The following CCNY variants were observed in gnomAD, a reference collection of about 807,000 sequenced individuals.
CCNY encodes cyclin Y.
CCNY carries 19 observed loss-of-function variants against 42.8 expected under a neutral mutation model. That is an observed-to-expected ratio of 0.44 (90% confidence interval 0.31 to 0.65). CCNY has a LOEUF of 0.65. CCNY is among the 30% of genes least tolerant of loss of function. The pLI is 0.07. For synonymous variants in CCNY, 165 were observed against 162.7 expected (o/e 1.01, Z -0.11); for missense variants, 370 against 437.3 (o/e 0.85, Z 1.37).
chr10:35,492,250 G>A (rs904503041), intron 2 of CCNY, among the ~76,000 whole-genome samples: 4 of 152,192 alleles, frequency 2.6e-5, no homozygotes, highest in Non-Finnish European at 5.9e-5. Context: ...CTTCTTGTGG[G>A]TCCCCTCCCC....
At chr10:35,258,966 CT>C (rs1223842714) in intron 3 of CCNY, among the ~76,000 whole-genome samples, 2 of 150,748 alleles carry the variant, frequency 1.3e-5, no homozygotes, top group Non-Finnish European at 2.9e-5. Context: ...ACATGCACTG[CT>C]GCCTGCCGTG....
chr10:35,490,609 A>G (rs555561536), intron 2 of CCNY, among the ~76,000 whole-genome samples: 5 of 152,212 alleles, frequency 3.3e-5, no homozygotes, highest in South Asian at 2.1e-4. Flanking sequence ...CCTGTTGGAA[A>G]CCATCCTCAC....
intron 1 of CCNY, among the ~76,000 whole-genome samples, chr10:35,358,050 A>G (rs1186854321): frequency 6.6e-6 from 1 of 152,028 alleles, no homozygotes; most frequent in African/African-American, 2.4e-5. Flanking sequence ...AATTTCTGGC[A>G]GGACATTTGC....
intron 8 of CCNY, among the ~76,000 whole-genome samples, chr10:35,557,368 C>T (rs921363733): frequency 1.3e-5 from 2 of 152,094 alleles, no homozygotes; most frequent in Non-Finnish European, 2.9e-5. Context: ...ACATTTAAGT[C>T]AAAATTGCAG....
chr10:35,461,391 G>A (rs1482574228), intron 1 of CCNY, among the ~76,000 whole-genome samples: 1 of 152,158 alleles, frequency 6.6e-6, no homozygotes, highest in Non-Finnish European at 1.5e-5. Context: ...GAAACATCAG[G>A]AGTAAGGAGA....
intron 1 of CCNY, among the ~76,000 whole-genome samples, chr10:35,374,053 A>AT (rs1836998107): frequency 1.3e-5 from 2 of 152,172 alleles, no homozygotes. Flanking sequence ...TGTTCATAAC[A>AT]TTTATAGCAA....
rs1164294627 is a variant in CCNY at position 35,359,508 on chromosome 10, TA to T, written c.154+22302del. Among the ~76,000 whole-genome samples, 88 of 151,994 alleles carry T rather than the reference TA, an allele frequency of 5.8e-4. 2 individuals carry two copies. The East Asian group carries it at 0.011, about 19-fold the overall frequency. On this transcript the variant is annotated intron_variant, in intron 1 of 9. Coordinates refer to ENST00000374704, the MANE Select transcript of CCNY (RefSeq NM_145012.6). ...ACTCTTTATTTATTATTATTATTAT[TA>T]TTATTTTTTTTTGTAGAGGCAGGGT... is the stretch of plus-strand genomic sequence containing the variant.
chr10:35,549,411 C>T (rs1245301297), intron 7 of CCNY, among the ~76,000 whole-genome samples: 15 of 144,432 alleles, frequency 1.0e-4, no homozygotes, highest in Admixed American at 6.9e-4. Context: ...TCCTCATGGC[C>T]CATGACCCTA....
chr10:35,258,734 A>G (rs7910443), intron 3 of CCNY, among the ~76,000 whole-genome samples: 55,466 of 151,808 alleles, frequency 0.37, 10,620 homozygotes, highest in African/African-American at 0.49. Flanking sequence ...TCAGGAGTTC[A>G]AGACCAGCCT....
At chr10:35,528,340 G>A (rs1208806086) in intron 5 of CCNY, among the ~76,000 whole-genome samples, 1 of 152,188 alleles carries the variant, frequency 6.6e-6, no homozygotes, top group Non-Finnish European at 1.5e-5. Flanking sequence ...GGGTTGATCT[G>A]TGTCTGTGCT....
intron 3 of CCNY, among the ~76,000 whole-genome samples, chr10:35,285,202 T>G (rs1835339226): frequency 6.6e-6 from 1 of 151,742 alleles, no homozygotes; most frequent in African/African-American, 2.4e-5. Context: ...CCTGGGTAAT[T>G]TTTTGTATTT....
At chr10:35,527,001 C>T (rs188173049) in intron 5 of CCNY, among the ~76,000 whole-genome samples, 10 of 152,300 alleles carry the variant, frequency 6.6e-5, no homozygotes, top group Admixed American at 1.3e-4. Flanking sequence ...TGTCGGTTTA[C>T]AAAGCGTGGT....
chr10:35,251,086 C>T (rs1258773828), intron 3 of CCNY: 2 of 152,098 alleles, frequency 1.3e-5, no homozygotes, highest in Non-Finnish European at 2.9e-5. Flanking sequence ...AAATGTCCAC[C>T]TTAGAGTTGT....
At chr10:35,510,016 G>A (rs897389542) in intron 3 of CCNY, among the ~76,000 whole-genome samples, 1 of 152,056 alleles carries the variant, frequency 6.6e-6, no homozygotes, top group Non-Finnish European at 1.5e-5. Flanking sequence ...CCTAGTCAAG[G>A]AATGCCAGTG....
At chr10:35,515,617 A>G (rs1389557491) in intron 3 of CCNY, among the ~76,000 whole-genome samples, 1 of 152,212 alleles carries the variant, frequency 6.6e-6, no homozygotes, top group Admixed American at 6.5e-5. Context: ...GTTGCTGAAA[A>G]TGACACTTAG....
intron 1 of CCNY, among the ~76,000 whole-genome samples, chr10:35,482,068 G>C (rs543388210): frequency 6.6e-6 from 1 of 152,174 alleles, no homozygotes; most frequent in African/African-American, 2.4e-5. Context: ...CAGGTACTCC[G>C]GGAGAAGTTA....
chr10:35,497,806 G>A (rs1840031941), intron 2 of CCNY, among the ~76,000 whole-genome samples: 1 of 151,976 alleles, frequency 6.6e-6, no homozygotes, highest in Admixed American at 6.6e-5. Context: ...TGCTAGCTTA[G>A]GGGAAAAGGA....
At chr10:35,542,433 T>C (rs1415666298) in intron 7 of CCNY, among the ~76,000 whole-genome samples, 2 of 152,172 alleles carry the variant, frequency 1.3e-5, no homozygotes, top group Non-Finnish European at 2.9e-5. Context: ...CTCTGCTTTG[T>C]AGTCACTCTT....
intron 7 of CCNY, among the ~76,000 whole-genome samples, chr10:35,536,880 C>G (rs1034593306): frequency 6.6e-6 from 1 of 152,152 alleles, no homozygotes; most frequent in African/African-American, 2.4e-5. Context: ...AAAGAAACAC[C>G]ATTTTCTGAG....
Sources: allele counts gnomAD v4.1 joint callset (sites outside exome capture counted in the v4.1 genomes callset), GRCh38; gene constraint gnomAD v4.1.1; transcripts MANE v1.5; gene names NCBI Gene and HGNC (gene_info 2026-07-23, HGNC 2026-07-21).